The following MINK1 variants were observed in gnomAD, a reference collection of about 807,000 sequenced individuals.
The protein encoded by MINK1 is misshapen like kinase 1.
In MINK1, 46 loss-of-function variants were observed where a neutral mutation model predicts 178.4. The observed-to-expected ratio is 0.26, with a 90% CI of 0.20 to 0.33. The LOEUF is 0.33. MINK1 is among the 10% of genes least tolerant of loss of function. MINK1 has a pLI of 1.00. For missense variants in MINK1, 1,366 were observed against 1,814.9 expected, an observed-to-expected ratio of 0.75 and a Z score of 4.49; for synonymous variants, 797 against 709.7, an observed-to-expected ratio of 1.12 and a Z score of -1.96.
intron 1 of MINK1, chr17:4,875,003 G>T: frequency 1.9e-6 from 1 of 518,846 alleles, no homozygotes; most frequent in South Asian, 1.4e-5. Context: ...CTTAGATTAG[G>T]AGTGTTCAGA....
chr17:4,878,256 T>G, intron 1 of MINK1, 61 bp from the exon 2 acceptor site: 1 of 1,466,318 alleles, frequency 6.8e-7, no homozygotes, highest in Non-Finnish European at 9.2e-7. Flanking sequence ...TTTACCCCCC[T>G]CTAGCTCTGT....
intron 5 of MINK1, 88 bp downstream of exon 5, chr17:4,884,561 G>A (rs926236044): frequency 1.0e-6 from 1 of 984,206 alleles, no homozygotes; most frequent in African/African-American, 1.6e-5. Flanking sequence ...GCGCTGGGAG[G>A]AGACATCACT....
chr17:4,850,735 G>A, intron 1 of MINK1, among the ~76,000 whole-genome samples: 1 of 152,150 alleles, frequency 6.6e-6, no homozygotes, highest in Non-Finnish European at 1.5e-5. Flanking sequence ...TCTTCCTTGG[G>A]TTTGTGGACA....
At chr17:4,862,595 A>C (rs1292655992) in intron 1 of MINK1, among the ~76,000 whole-genome samples, 1 of 151,872 alleles carries the variant, frequency 6.6e-6, no homozygotes, top group African/African-American at 2.4e-5. Context: ...TGGAGGTTGC[A>C]GTGAGCCAAG....
intron 4 of MINK1, among the ~76,000 whole-genome samples, chr17:4,881,946 G>T (rs1967741729): frequency 2.0e-5 from 3 of 152,260 alleles, no homozygotes; most frequent in African/African-American, 7.2e-5. Context: ...CTGACGCCAG[G>T]TCTCCCCTCC....
chr17:4,890,990 C>A lies in MINK1; in HGVS notation c.1606C>A (p.Pro536Thr). ...AAGGATGAACAAGCAGCAGAACTCT[C>A]CCTTGGCCAAGAGCAAGCCAGGCAG... Reference protein sequence around the residue: ...RTRMNKQQNSPLAKSKPGSTG... With the variant: ...RTRMNKQQNSTLAKSKPGSTG... Residue 536 changes from proline to threonine, a missense_variant, in exon 15 of 32, where the codon CCC becomes ACC. This residue lies in a region of MINK1 where 709 missense variants were observed against 692.3 expected (regional missense o/e 1.02). Coordinates refer to ENST00000355280, the MANE Select transcript of MINK1 (RefSeq NM_153827.5). The A allele has an allele frequency of 1.3e-6, 2 of 1,560,604 alleles. No individual in the cohort carries two copies. Among genetic ancestry groups the A allele is most frequent in the Non-Finnish European group, 1.7e-6 (2 of 1,152,366 alleles).
chr17:4,860,031 T>G (rs8077875), intron 1 of MINK1, among the ~76,000 whole-genome samples: 11,022 of 149,658 alleles, frequency 0.074, 438 homozygotes, highest in Non-Finnish European at 0.093. Context: ...CGGGAACTAC[T>G]GGCCCCATGC....
At chr17:4,874,450 G>A (rs1459660371) in intron 1 of MINK1, among the ~76,000 whole-genome samples, 2 of 152,210 alleles carry the variant, frequency 1.3e-5, no homozygotes, top group Non-Finnish European at 2.9e-5. Flanking sequence ...GGGCAGAAGA[G>A]TAAAATCAGG....
Position 4,887,149 on chromosome 17 carries a change from A to T in MINK1, c.989A>T (p.Asp330Val). Residue 330 changes from aspartate (D) to valine (V), a missense_variant, in exon 11 of 32, where the codon GAT becomes GTT. By Grantham distance (152) the Asp-to-Val change is radical. This residue lies in a region of MINK1 where 8 missense variants were observed against 27.2 expected (regional missense o/e 0.29). Coordinates refer to ENST00000355280, the MANE Select transcript of MINK1 (RefSeq NM_153827.5). The surrounding 1 kb of genome is among the most constrained non-coding windows in gnomAD (Gnocchi z 7.6). ...GAGTACAGCGGCAGCGAGGAGGAAG[A>T]TGACAGCCATGGAGAGGAAGGAGAG... The part of the protein sequence containing the change: ...EYEYSGSEEE[D>V]DSHGEEGEPS... 1 of 1,605,116 alleles carries T rather than the reference A, an allele frequency of 6.2e-7. No homozygotes were observed. The highest frequency in any genetic ancestry group is 1.1e-5 in the South Asian group (1 of 89,206).
At chr17:4,891,223 C>CACACACA (rs1555541497) in intron 15 of MINK1, 99 bp downstream of exon 15, 1 of 1,163,664 alleles carries the variant, frequency 8.6e-7, no homozygotes, top group East Asian at 2.6e-5. Flanking sequence ...CACACACACA[C>CACACACA]ACCTGCTCAG....
rs777581824 is a variant in MINK1, at chr17:4,895,411, C to A, written c.3147C>A (p.Gly1049=). Residue 1049 remains glycine (G), a synonymous_variant, in exon 26 of 32, where the codon GGC becomes GGA. Transcript: ENST00000355280. This position sits in a 1 kb window ranked among gnomAD's most constrained non-coding sequence, Gnocchi z 4.3. The part of the protein sequence containing the change: ...GLMLLDRSGQ[G]KVYGLIGRRR... ...TGTTGCTGGACCGAAGTGGGCAGGG[C>A]AAGGTGTATGGACTCATTGGGCGGC... 2 of 1,610,916 alleles carry A rather than the reference C, an allele frequency of 1.2e-6. No individual in the cohort carries two copies. The highest frequency in any genetic ancestry group is 2.2e-5 in the East Asian group (1 of 44,858).
At chr17:4,851,663 C>T (rs1001322049) in intron 1 of MINK1, among the ~76,000 whole-genome samples, 1 of 152,112 alleles carries the variant, frequency 6.6e-6, no homozygotes, top group African/African-American at 2.4e-5. Flanking sequence ...TTAGTGTTCC[C>T]GTGTGGTTTT....
Position 4,895,019 on chromosome 17 carries a change from AAG to A in MINK1, c.2918-52_2918-51del, listed in dbSNP as rs1346105414. The A allele has an allele frequency of 1.3e-6, 2 of 1,586,860 alleles. No individual in the cohort carries two copies. Among genetic ancestry groups the A allele is most frequent in the African/African-American group, 2.7e-5 (2 of 74,370 alleles). On this transcript the variant is annotated intron_variant, in intron 24 of 31. Transcript: ENST00000355280. This position sits in a 1 kb window ranked among gnomAD's most constrained non-coding sequence, Gnocchi z 4.3. Reference sequence around the variant, plus strand: ...ACCTGATATAGGGGATGGAGGTAAAAAGAGATGGGGTGAGAAGCTGCAGCCCC... The same window carrying A: ...ACCTGATATAGGGGATGGAGGTAAAAAGATGGGGTGAGAAGCTGCAGCCCC...
intron 1 of MINK1, chr17:4,875,398 C>T (rs1967091031): frequency 2.5e-5 from 11 of 438,746 alleles, no homozygotes; most frequent in Admixed American, 2.5e-4. Context: ...TTGCTTGAGC[C>T]CAGGAGTTCA....
In MINK1 at chr17:4,886,033, G is replaced by A. The variant is rs1597533859; in HGVS notation, c.694+68G>A. 1.2e-6 allele frequency: 2 copies of A among 1,609,270 alleles called. No homozygotes were observed. The highest frequency in any genetic ancestry group is 4.5e-5 in the East Asian group (2 of 44,856). ...AGGGCCCAGAGAGTGGCTGTAGGGAGGAGGTGGGTCCTGGGACCCTGCCGA... is the reference window on the plus strand; with the variant it reads ...AGGGCCCAGAGAGTGGCTGTAGGGAAGAGGTGGGTCCTGGGACCCTGCCGA... On this transcript the variant is annotated intron_variant, in intron 8 of 31. Coordinates refer to ENST00000355280, the MANE Select transcript of MINK1 (RefSeq NM_153827.5). The surrounding 1 kb of genome is among the most constrained non-coding windows in gnomAD (Gnocchi z 6.1).
At chr17:4,855,146 G>C (rs933697116) in intron 1 of MINK1, among the ~76,000 whole-genome samples, 2 of 150,188 alleles carry the variant, frequency 1.3e-5, no homozygotes, top group Admixed American at 6.7e-5. Context: ...AACCTAGAAG[G>C]GGAGGTTGCA....
chr17:4,886,234 G>A lies in MINK1; in HGVS notation c.773+36G>A. The A allele has an allele frequency of 1.2e-6, 2 of 1,605,862 alleles. No individual in the cohort carries two copies. Among genetic ancestry groups the A allele is most frequent in the Non-Finnish European group, 1.7e-6 (2 of 1,172,510 alleles). ...GAGAGTGTGGGCTCTGGGAAGGAAG[G>A]TCCCTGGACAAGGCCATCCCCACCT... On this transcript the variant is annotated intron_variant, in intron 9 of 31. Transcript: ENST00000355280. This position sits in a 1 kb window ranked among gnomAD's most constrained non-coding sequence, Gnocchi z 6.1.
intron 5 of MINK1, 150 bp from the exon 6 acceptor site, chr17:4,884,762 A>G: frequency 1.4e-6 from 1 of 703,718 alleles, no homozygotes; most frequent in Non-Finnish European, 2.4e-6. Flanking sequence ...AGGACAGCTC[A>G]GCTTGCTTGG....
Position 4,894,800 on chromosome 17 carries a change from T to C in MINK1, c.2917+167T>C, listed in dbSNP as rs981435484. On this transcript the variant is annotated intron_variant, in intron 24 of 31. Coordinates refer to ENST00000355280, the MANE Select transcript of MINK1 (RefSeq NM_153827.5). This position sits in a 1 kb window ranked among gnomAD's most constrained non-coding sequence, Gnocchi z 4.1. ...GGCAAGGAAGAGCCTCTGAGACCCC[T>C]CCTTCCTGTCCCACAGGACAGGAAA... 3.6e-5 allele frequency: 23 copies of C among 639,762 alleles called. No homozygotes were observed. The African/African-American group carries it at 4.2e-4, about 12-fold the overall frequency. 39.6% of individuals were successfully genotyped at this position (639,762 alleles called of 1,614,324 possible).
Sources: gnomAD v4.1 joint callset for allele counts (sites outside exome capture counted in the v4.1 genomes callset) on GRCh38, gnomAD v4.1.1 for gene constraint, gnomAD v4.1.1 regional missense constraint, Gnocchi (gnomAD v3.1) non-coding constraint, MANE v1.5 for transcripts, NCBI Gene and HGNC (gene_info 2026-07-23, HGNC 2026-07-21) for gene names.